WWOX: variants seen among roughly 807,000 people sequenced by gnomAD.
WWOX encodes the protein WW domain containing oxidoreductase, also known as WW domain-containing oxidoreductase.
WWOX carries 69 observed loss-of-function variants against 46.2 expected under a neutral mutation model. The observed-to-expected ratio is 1.49, with a 90% CI of 1.23 to 1.82. The LOEUF (loss-of-function observed/expected upper bound fraction) is 1.82. Among genes scored for constraint, WWOX ranks in the 40% most tolerant of loss-of-function variants. WWOX has a pLI of 0.00. For synonymous variants in WWOX, 359 were observed against 202.6 expected, an observed-to-expected ratio of 1.77 and a Z score of -6.56; for missense variants, 919 against 542.6, an observed-to-expected ratio of 1.69 and a Z score of -6.89.
chr16:78,160,706 C>G (rs991485406), intron 4 of WWOX, among the ~76,000 whole-genome samples: 1 of 152,024 alleles, frequency 6.6e-6, no homozygotes, highest in African/African-American at 2.4e-5. Context: ...TGCTTTTGCC[C>G]CTGCAAATCA....
chr16:78,602,303 G>C (rs1184823185), intron 8 of WWOX, among the ~76,000 whole-genome samples: 2 of 152,128 alleles, frequency 1.3e-5, no homozygotes, highest in African/African-American at 4.8e-5. Flanking sequence ...TGTAATCTCG[G>C]CTTACTGCAA....
At position 78,119,709 on chromosome 16, in the gene WWOX, T is replaced by G. The variant is rs144517559; in HGVS notation, c.409+4555T>G. ...TCAAACTCCTGGGTTCAAGTGATCC[T>G]CCCACCTTAGCCTCCCAAAGTACTG... On this transcript the variant is annotated intron_variant, in intron 4 of 8. Transcript: ENST00000566780. 1.2e-4 allele frequency among the ~76,000 whole-genome samples: 19 copies of G among 152,088 alleles called. 1 individual carries two copies. Among genetic ancestry groups the G allele is most frequent in the African/African-American group, 4.6e-4 (19 of 41,478 alleles).
chr16:78,549,247 C>G (rs112015697), intron 8 of WWOX, among the ~76,000 whole-genome samples: 1 of 152,228 alleles, frequency 6.6e-6, no homozygotes, highest in Admixed American at 6.5e-5. Flanking sequence ...TTCCTGCCAG[C>G]CACGAATAGA....
chr16:78,662,716 G>C (rs1246496193), intron 8 of WWOX, among the ~76,000 whole-genome samples: 1 of 152,160 alleles, frequency 6.6e-6, no homozygotes, highest in East Asian at 1.9e-4. Context: ...GTAATTGAGG[G>C]TGGTCATTGA....
chr16:78,928,347 C>T (rs923015450), intron 8 of WWOX, among the ~76,000 whole-genome samples: 5 of 151,484 alleles, frequency 3.3e-5, no homozygotes, highest in Admixed American at 6.6e-5. Context: ...GGACTACAGG[C>T]GCCCGCTACC....
intron 8 of WWOX, among the ~76,000 whole-genome samples, chr16:79,189,950 G>T (rs2051100667): frequency 6.6e-6 from 1 of 151,742 alleles, no homozygotes; most frequent in African/African-American, 2.4e-5. Flanking sequence ...GGGGGATAAA[G>T]ATATTAATTT....
chr16:79,094,573 A>G (rs374444911), intron 8 of WWOX, among the ~76,000 whole-genome samples: 215 of 152,206 alleles, frequency 1.4e-3, no homozygotes, highest in African/African-American at 5.1e-3. Flanking sequence ...TTTAAAAAGC[A>G]AATAAGAAAC....
At chr16:78,755,663 G>A (rs2049626041) in intron 8 of WWOX, among the ~76,000 whole-genome samples, 1 of 152,156 alleles carries the variant, frequency 6.6e-6, no homozygotes, top group African/African-American at 2.4e-5. Flanking sequence ...GTTGGGGAGA[G>A]GAAGCCTCAG....
intron 8 of WWOX, among the ~76,000 whole-genome samples, chr16:78,978,004 C>A (rs1409388238): frequency 6.6e-6 from 1 of 152,176 alleles, no homozygotes; most frequent in South Asian, 2.1e-4. Context: ...TTGTATCTCC[C>A]CACAATAAAA....
At chr16:78,646,208 A>G (rs985364275) in intron 8 of WWOX, among the ~76,000 whole-genome samples, 8 of 152,050 alleles carry the variant, frequency 5.3e-5, no homozygotes, top group Non-Finnish European at 8.8e-5. Context: ...TTTGGTAGAG[A>G]TGATATCTTG....
intron 8 of WWOX, among the ~76,000 whole-genome samples, chr16:78,694,076 A>G (rs1597454723): frequency 6.6e-6 from 1 of 152,108 alleles, no homozygotes; most frequent in Non-Finnish European, 1.5e-5. Flanking sequence ...TACTAAAAAT[A>G]TAAAAATTAC....
chr16:78,845,811 G>T (rs954151920), intron 8 of WWOX, among the ~76,000 whole-genome samples: 2 of 152,196 alleles, frequency 1.3e-5, no homozygotes, highest in Non-Finnish European at 2.9e-5. Flanking sequence ...GCTGGCTTAT[G>T]TGGGCACTTA....
At chr16:78,936,055 G>C (rs558284800) in intron 8 of WWOX, among the ~76,000 whole-genome samples, 1 of 152,132 alleles carries the variant, frequency 6.6e-6, no homozygotes, top group Non-Finnish European at 1.5e-5. Flanking sequence ...AAAGAGTGGA[G>C]ACTGGCCATA....
Position 78,330,228 on chromosome 16 carries a change from C to T in WWOX, c.517-56632C>T, listed in dbSNP as rs532181425. Among the ~76,000 whole-genome samples, 5 of 152,242 alleles carry T rather than the reference C, an allele frequency of 3.3e-5. No homozygotes were observed. In the East Asian group the frequency reaches 7.7e-4, roughly 23 times the overall value. Reference sequence around the variant, plus strand: ...GATTTAACTTAATAAAAACCAATAACTATAAATATCCTTAATGCCACTGAA... The same window carrying T: ...GATTTAACTTAATAAAAACCAATAATTATAAATATCCTTAATGCCACTGAA... On this transcript the variant is annotated intron_variant, in intron 5 of 8. Transcript: ENST00000566780.
intron 5 of WWOX, among the ~76,000 whole-genome samples, chr16:78,169,573 C>A (rs552155181): frequency 1.3e-5 from 2 of 151,832 alleles, no homozygotes; most frequent in South Asian, 4.2e-4. Context: ...CAGTGTAGAG[C>A]TCTTGAAAGA....
intron 5 of WWOX, among the ~76,000 whole-genome samples, chr16:78,353,869 C>T (rs1432889584): frequency 2.6e-5 from 4 of 152,154 alleles, no homozygotes; most frequent in East Asian, 1.9e-4. Flanking sequence ...GATGTGGTGC[C>T]GAGTTGTCAG....
At chr16:78,906,911 A>G (rs978406756) in intron 8 of WWOX, among the ~76,000 whole-genome samples, 2 of 152,242 alleles carry the variant, frequency 1.3e-5, no homozygotes, top group Non-Finnish European at 2.9e-5. Context: ...GTCTGTGAAT[A>G]AACACGGAAA....
At chr16:79,037,353 G>A (rs1176259006) in intron 8 of WWOX, among the ~76,000 whole-genome samples, 1 of 152,184 alleles carries the variant, frequency 6.6e-6, no homozygotes, top group Non-Finnish European at 1.5e-5. Flanking sequence ...TTGTAGAGAG[G>A]AAGAATGGAT....
intron 5 of WWOX, among the ~76,000 whole-genome samples, chr16:78,218,721 G>A (rs557009975): frequency 1.3e-5 from 2 of 152,358 alleles, no homozygotes; most frequent in African/African-American, 4.8e-5. Context: ...TGGGGCCAGG[G>A]CCCTTTCTGG....
Sources: allele counts gnomAD v4.1 joint callset (sites outside exome capture counted in the v4.1 genomes callset), GRCh38; gene constraint gnomAD v4.1.1; transcripts MANE v1.5; gene names NCBI Gene and HGNC (gene_info 2026-07-23, HGNC 2026-07-21).